EML6: variants seen among roughly 807,000 people sequenced by gnomAD.
The protein encoded by EML6 is EMAP like 6.
In EML6, 154 loss-of-function variants were observed where a neutral mutation model predicts 240.1. The ratio of observed to expected loss-of-function variants is 0.64; its 90% CI spans 0.56 to 0.73. EML6 has a LOEUF of 0.73. Among genes scored for constraint, EML6 ranks in the 30% least tolerant of loss-of-function variants. The probability of loss-of-function intolerance (pLI) is 0.00; values close to 1 mark genes in which losing one functional copy is unlikely to be tolerated. For synonymous variants in EML6, 1,148 were observed against 899.0 expected, an observed-to-expected ratio of 1.28 and a Z score of -4.95; for missense variants, 2,964 against 2,474.6, an observed-to-expected ratio of 1.20 and a Z score of -4.20.
At chr2:54,819,195 C>A (rs1037859800) in intron 4 of EML6, among the ~76,000 whole-genome samples, 1 of 152,130 alleles carries the variant, frequency 6.6e-6, no homozygotes, top group African/African-American at 2.4e-5. Flanking sequence ...TAGGTTATTT[C>A]TCTGGTCTAG....
chr2:54,960,131 G>T, intron 34 of EML6, 89 bp from the exon 35 acceptor site: 1 of 994,512 alleles, frequency 1.0e-6, no homozygotes. Context: ...CCAGAACCCT[G>T]ATGACTGGGA....
chr2:54,849,912 T>A (rs1423340396), intron 9 of EML6, 50 bp from the exon 10 acceptor site: 1 of 1,478,476 alleles, frequency 6.8e-7, no homozygotes, highest in Admixed American at 2.1e-5. Flanking sequence ...AAAACTTGGA[T>A]TTTCTATTTG....
chr2:54,867,254 T>G (rs1671021905), intron 14 of EML6: 1 of 160,564 alleles, frequency 6.2e-6, no homozygotes, highest in South Asian at 2.0e-4. Context: ...CATAGGACAG[T>G]ATTTTCTTCA....
intron 28 of EML6, among the ~76,000 whole-genome samples, chr2:54,946,206 C>G (rs1424448388): frequency 6.6e-6 from 1 of 152,168 alleles, no homozygotes; most frequent in African/African-American, 2.4e-5. Context: ...ACCCTGCCCC[C>G]CTGCCCATTC....
intron 2 of EML6, among the ~76,000 whole-genome samples, chr2:54,790,925 C>T (rs1374011889): frequency 6.6e-6 from 1 of 151,874 alleles, no homozygotes; most frequent in African/African-American, 2.4e-5. Flanking sequence ...CGGGGTTTCA[C>T]CATGTTAGCC....
At chr2:54,889,730 T>C (rs1348237847) in intron 17 of EML6, among the ~76,000 whole-genome samples, 1 of 152,212 alleles carries the variant, frequency 6.6e-6, no homozygotes, top group Admixed American at 6.5e-5. Flanking sequence ...TGAATAGTTT[T>C]AGCTCTTCCA....
chr2:54,837,475 C>T (rs564596802), intron 7 of EML6, among the ~76,000 whole-genome samples: 3 of 152,308 alleles, frequency 2.0e-5, no homozygotes, highest in African/African-American at 7.2e-5. Context: ...CACGGGCACA[C>T]GGCTTGGTTA....
At chr2:54,877,003 G>A (rs1266678153) in intron 16 of EML6, among the ~76,000 whole-genome samples, 1 of 147,532 alleles carries the variant, frequency 6.8e-6, no homozygotes, top group East Asian at 2.0e-4. Context: ...TTTTTTTTGA[G>A]ACAAGGTCTC....
chr2:54,837,468 G>A (rs915919215), intron 7 of EML6, among the ~76,000 whole-genome samples: 13 of 152,240 alleles, frequency 8.5e-5, no homozygotes, highest in Middle Eastern at 3.4e-3. Flanking sequence ...GGGCACTCAC[G>A]GGCACACGGC....
chr2:54,756,210 T>C (rs901717376), intron 2 of EML6, among the ~76,000 whole-genome samples: 1 of 152,154 alleles, frequency 6.6e-6, no homozygotes, highest in African/African-American at 2.4e-5. Flanking sequence ...ATTTAGGGCT[T>C]ACTTTAATGT....
rs372136512 is a variant in EML6 at position 54,908,139 on chromosome 2, CTTTTTGGTTTGG to C, written c.3410-2809_3410-2798del. ...TTATTCCTTTCTAATAGAAGAATAGCTTTTTGGTTTGGTTTTTTCTTCTTGACATCCTTGATT... is the reference window on the plus strand; with the variant it reads ...TTATTCCTTTCTAATAGAAGAATAGCTTTTTTCTTCTTGACATCCTTGATT... On this transcript the variant is annotated intron_variant, in intron 24 of 41. Transcript: ENST00000356458. 5.0e-3 allele frequency among the ~76,000 whole-genome samples: 760 copies of C among 151,894 alleles called. 8 individuals carry two copies. Among genetic ancestry groups the C allele is most frequent in the African/African-American group, 0.018 (729 of 41,400 alleles).
intron 26 of EML6, among the ~76,000 whole-genome samples, chr2:54,926,461 T>C (rs1674551892): frequency 6.6e-6 from 1 of 152,198 alleles, no homozygotes. Flanking sequence ...GATAGAGTTG[T>C]GGTGAAGCAG....
intron 2 of EML6, among the ~76,000 whole-genome samples, chr2:54,749,142 G>T (rs1684044200): frequency 6.6e-6 from 1 of 152,180 alleles, no homozygotes; most frequent in Admixed American, 6.5e-5. Flanking sequence ...ATTCCTGACG[G>T]CTTCCTCTGC....
intron 12 of EML6, among the ~76,000 whole-genome samples, chr2:54,861,769 GTTTT>G (rs761153394): frequency 8.2e-6 from 1 of 121,964 alleles, no homozygotes; most frequent in African/African-American, 3.1e-5. Context: ...GAGGTTTTTT[GTTTT>G]TTTTTTTTTT....
Position 54,899,763 on chromosome 2 carries a change from A to G in EML6, c.3105A>G (p.Ala1035=). 1 of 1,551,436 alleles carries G rather than the reference A, an allele frequency of 6.4e-7. No individual in the cohort carries two copies. Among genetic ancestry groups the G allele is most frequent in the Non-Finnish European group, 8.7e-7 (1 of 1,146,814 alleles). ...TATCTGCCCAGCACCGTATGCTGGCAGTACGGAAACTCAAAAAAGGTACAT... is the reference window on the plus strand; with the variant it reads ...TATCTGCCCAGCACCGTATGCTGGCGGTACGGAAACTCAAAAAAGGTACAT... ...WELSAQHRML[A]VRKLKKGGRC... The change falls in exon 22 of 42, where the codon GCA becomes GCG. Residue 1035 remains alanine (A), a synonymous_variant. Coordinates refer to ENST00000356458, the MANE Select transcript of EML6 (RefSeq NM_001039753.4).
At chr2:54,818,245 T>C (rs1446603789) in intron 4 of EML6, among the ~76,000 whole-genome samples, 2 of 149,522 alleles carry the variant, frequency 1.3e-5, no homozygotes, top group Non-Finnish European at 3.0e-5. Flanking sequence ...TTGGCTTGTA[T>C]AGAAAGAGCT....
At chr2:54,907,018 A>G (rs996982058) in intron 24 of EML6, among the ~76,000 whole-genome samples, 2 of 152,206 alleles carry the variant, frequency 1.3e-5, no homozygotes, top group African/African-American at 4.8e-5. Flanking sequence ...TCTTGTGCCC[A>G]TGGCAACTAC....
chr2:54,920,688 A>G (rs557059867), intron 26 of EML6, among the ~76,000 whole-genome samples: 2 of 152,294 alleles, frequency 1.3e-5, no homozygotes, highest in Admixed American at 6.5e-5. Context: ...CCTTGATACC[A>G]AAACCAGATA....
At chr2:54,817,399 T>C (rs1259755924) in intron 4 of EML6, among the ~76,000 whole-genome samples, 1 of 152,210 alleles carries the variant, frequency 6.6e-6, no homozygotes, top group Non-Finnish European at 1.5e-5. Flanking sequence ...TATATACATA[T>C]AACTGGTCAG....
Sources: allele counts gnomAD v4.1 joint callset (sites outside exome capture counted in the v4.1 genomes callset), GRCh38; gene constraint gnomAD v4.1.1; transcripts MANE v1.5; gene names NCBI Gene and HGNC (gene_info 2026-07-23, HGNC 2026-07-21).